Variants in ZNF738 observed in about 807,000 individuals in gnomAD.
ZNF738 encodes the protein zinc finger protein 738.
A neutral mutation model predicts 9.2 loss-of-function variants in ZNF738; 10 were observed. That is an observed-to-expected ratio of 1.09 (90% CI 0.67 to 1.85). The LOEUF is 1.85. Ranked by LOEUF, ZNF738 falls within the 40% of genes most tolerant of loss-of-function variation. The pLI is 0.00. For synonymous variants in ZNF738, 113 were observed against 94.5 expected (o/e 1.20, Z -1.14); for missense variants, 346 against 283.6 (o/e 1.22, Z -1.58).
rs1014497542 is a variant in ZNF738, at chr19:21,379,701, AT to A, written c.320-3154del. Among the ~76,000 whole-genome samples the A allele has an allele frequency of 1.1e-3, 166 of 148,322 alleles. 1 individual carries two copies. Among genetic ancestry groups the A allele is most frequent in the East Asian group, 5.1e-3 (26 of 5,090 alleles). On this transcript the variant is annotated intron_variant, in intron 4 of 4. Coordinates refer to ENST00000683779, the MANE Select transcript of ZNF738 (RefSeq NM_001355237.2). ...CCAGTATTTTACTTGTGTTTTTTAA[AT>A]TTTTTTTTTTAAGGCCACATTTTTT...
At chr19:21,359,923 T>C (rs1158775582) in intron 1 of ZNF738, among the ~76,000 whole-genome samples, 1 of 152,194 alleles carries the variant, frequency 6.6e-6, no homozygotes, top group African/African-American at 2.4e-5. Flanking sequence ...AAAGTGGTTC[T>C]AGAATTGTAG....
At position 21,385,110 on chromosome 19, in the gene ZNF738, G is replaced by T. The variant is rs982172626; in HGVS notation, c.*1436G>T. On this transcript the variant is annotated 3_prime_UTR_variant, in exon 5 of 5. Coordinates refer to ENST00000683779, the MANE Select transcript of ZNF738 (RefSeq NM_001355237.2). The stretch of plus-strand genomic sequence containing the variant: ...TCATGCCTGTAATCCCAGCACTTTG[G>T]GAGGCTGAGGCAGGCAGATCACCTG... Among the ~76,000 whole-genome samples the T allele has an allele frequency of 1.3e-5, 2 of 152,006 alleles. No homozygotes were observed. Among genetic ancestry groups the T allele is most frequent in the African/African-American group, 2.4e-5 (1 of 41,376 alleles).
At chr19:21,370,676 T>A (rs1338556626) in intron 2 of ZNF738, among the ~76,000 whole-genome samples, 1 of 152,242 alleles carries the variant, frequency 6.6e-6, no homozygotes, top group Non-Finnish European at 1.5e-5. Context: ...TCTCTACTTA[T>A]ATTCATGTTG....
chr19:21,377,046 G>A (rs1973936637), intron 4 of ZNF738, among the ~76,000 whole-genome samples: 1 of 149,670 alleles, frequency 6.7e-6, no homozygotes, highest in African/African-American at 2.4e-5. Context: ...AGTGGCTCAT[G>A]CCTGTAATCC....
chr19:21,382,399 C>T (rs1251869311), intron 4 of ZNF738, among the ~76,000 whole-genome samples: 1 of 151,946 alleles, frequency 6.6e-6, no homozygotes, highest in African/African-American at 2.4e-5. Context: ...CCACCATGCC[C>T]AGCTAATTTT....
intron 1 of ZNF738, among the ~76,000 whole-genome samples, chr19:21,360,863 C>G (rs1384953927): frequency 6.8e-6 from 1 of 147,742 alleles, no homozygotes; most frequent in African/African-American, 2.5e-5. Context: ...GAGTTTCACT[C>G]TTGTTGCAAA....
intron 2 of ZNF738, among the ~76,000 whole-genome samples, chr19:21,371,364 T>G (rs1488258219): frequency 6.6e-6 from 1 of 152,220 alleles, no homozygotes; most frequent in South Asian, 2.1e-4. Flanking sequence ...GGTAGAATTA[T>G]GTCAGGCTAA....
chr19:21,376,818 C>G (rs934220787), intron 4 of ZNF738, among the ~76,000 whole-genome samples: 1 of 151,490 alleles, frequency 6.6e-6, no homozygotes, highest in African/African-American at 2.4e-5. Context: ...GCCACTACAC[C>G]CAGCCTTTTT....
intron 2 of ZNF738, among the ~76,000 whole-genome samples, chr19:21,362,691 C>T (rs922329982): frequency 5.9e-5 from 9 of 152,066 alleles, no homozygotes; most frequent in African/African-American, 1.7e-4. Flanking sequence ...GCATAAAAGA[C>T]GTGGGATTCA....
At chr19:21,374,340 T>C (rs1226680548) in intron 2 of ZNF738, among the ~76,000 whole-genome samples, 2 of 152,230 alleles carry the variant, frequency 1.3e-5, no homozygotes, top group Non-Finnish European at 2.9e-5. Context: ...ATAGAAGATA[T>C]CTGCATCTTG....
intron 4 of ZNF738, among the ~76,000 whole-genome samples, chr19:21,382,364 G>A (rs549950226): frequency 5.0e-4 from 76 of 151,856 alleles, no homozygotes; most frequent in African/African-American, 1.7e-3. Context: ...TCAGCCTTCT[G>A]AGTATCTGGG....
intron 2 of ZNF738, among the ~76,000 whole-genome samples, chr19:21,368,560 A>C (rs1973817105): frequency 6.6e-6 from 1 of 152,022 alleles, no homozygotes; most frequent in African/African-American, 2.4e-5. Context: ...TCCCAGGTTC[A>C]AACAATTCTG....
chr19:21,370,831 T>G (rs1008475624), intron 2 of ZNF738, among the ~76,000 whole-genome samples: 8 of 152,208 alleles, frequency 5.3e-5, no homozygotes, highest in Non-Finnish European at 7.3e-5. Flanking sequence ...AACCTGCACA[T>G]AAGTTCTGGC....
intron 2 of ZNF738, among the ~76,000 whole-genome samples, chr19:21,370,049 T>A (rs1382638810): frequency 6.6e-6 from 1 of 152,182 alleles, no homozygotes; most frequent in Non-Finnish European, 1.5e-5. Context: ...CCTGACCTCA[T>A]GATCCGCCAA....
rs868191402 is a variant in ZNF738 at position 21,383,428 on chromosome 19, C to T, written c.882C>T (p.Gly294=). The change falls in exon 5 of 5, where the codon GGC becomes GGT. Residue 294 remains glycine (G), a synonymous_variant. Transcript: ENST00000683779. ...AACACTACAAATGTGAAAAATGTGG[C>T]AAAGATTTTAAACAGTCCTCACACC... ...GEKHYKCEKC[G]KDFKQSSHLT... is the part of the protein sequence containing the mutation. The T allele has an allele frequency of 7.1e-6, 4 of 560,544 alleles. No individual in the cohort carries two copies. In the Middle Eastern group the frequency reaches 1.4e-3, roughly 194 times the overall value. 34.7% of individuals were successfully genotyped at this position (560,544 alleles called of 1,614,324 possible).
chr19:21,377,811 T>A, intron 4 of ZNF738: 1 of 361,744 alleles, frequency 2.8e-6, no homozygotes, highest in Non-Finnish European at 4.9e-6. Flanking sequence ...TTAATAATTT[T>A]AAATAAATTT....
At chr19:21,378,000 T>A in intron 4 of ZNF738, 1 of 397,494 alleles carries the variant, frequency 2.5e-6, no homozygotes, top group East Asian at 3.6e-5. Flanking sequence ...TGTTGTTTTC[T>A]GTGTCTATAC....
rs1429483026 is a variant in ZNF738, at chr19:21,386,168, A to G, written c.*2494A>G. Among the ~76,000 whole-genome samples the G allele has an allele frequency of 6.6e-6, 1 of 152,116 alleles. No individual in the cohort carries two copies. Among genetic ancestry groups the G allele is most frequent in the Admixed American group, 6.6e-5 (1 of 15,264 alleles). The stretch of plus-strand genomic sequence containing the variant: ...AAACAAGATAATTTGTACTGGAGAG[A>G]AAACCTACAAACGTGAGGAATGTGG... On this transcript the variant is annotated 3_prime_UTR_variant, in exon 5 of 5. Coordinates refer to ENST00000683779, the MANE Select transcript of ZNF738 (RefSeq NM_001355237.2).
Position 21,382,877 on chromosome 19 carries a change from C to T in ZNF738, c.331C>T (p.His111Tyr). 2.1e-6 allele frequency: 1 copy of T among 469,730 alleles called. No individual in the cohort carries two copies. The highest frequency in any genetic ancestry group is 4.1e-6 in the Non-Finnish European group (1 of 244,264). The allele number at this position is 469,730 out of a possible 1,614,324, so 29.1% of individuals were successfully genotyped here. ...MVATPPVTYS[H>Y]FAQDLWPQPG... ...TTTATTTCTTTCAGTTACATATTCT[C>T]ATTTTGCCCAGGACCTTTGGCCACA... The change falls in exon 5 of 5, where the codon CAT (histidine) becomes TAT (tyrosine). Residue 111 changes from histidine (H) to tyrosine (Y), a missense_variant. His to Tyr is a moderately conservative substitution (Grantham distance 83). Coordinates refer to ENST00000683779, the MANE Select transcript of ZNF738 (RefSeq NM_001355237.2).
Sources: gnomAD v4.1 joint callset for allele counts (sites outside exome capture counted in the v4.1 genomes callset) on GRCh38, gnomAD v4.1.1 for gene constraint, MANE v1.5 for transcripts, NCBI Gene and HGNC (gene_info 2026-07-23, HGNC 2026-07-21) for gene names.